Variants in HOMER1 observed in about 807,000 individuals in gnomAD.
HOMER1 encodes homer protein homolog 1.
Under a neutral mutation model 48.9 loss-of-function variants are expected in HOMER1, and 3 were observed. The observed-to-expected ratio is 0.06, with a 90% CI of 0.03 to 0.16. HOMER1 has a LOEUF of 0.16. HOMER1 is among the 10% of genes least tolerant of loss of function. The pLI is 1.00. For missense variants in HOMER1, 247 were observed against 411.4 expected (o/e 0.60, Z 3.46); for synonymous variants, 134 against 146.4 (o/e 0.92, Z 0.61).
intron 5 of HOMER1, among the ~76,000 whole-genome samples, chr5:79,408,310 T>C (rs1255151717): frequency 6.6e-6 from 1 of 152,138 alleles, no homozygotes; most frequent in East Asian, 1.9e-4. Flanking sequence ...AAAAATATCT[T>C]TCAAAATGAA....
chr5:79,391,437 T>C (rs1308135618), intron 8 of HOMER1, among the ~76,000 whole-genome samples: 1 of 148,656 alleles, frequency 6.7e-6, no homozygotes, highest in Non-Finnish European at 1.5e-5. Context: ...GCCAAAATCT[T>C]TTTTTTTTTA....
intron 1 of HOMER1, among the ~76,000 whole-genome samples, chr5:79,463,412 C>A (rs1387928452): frequency 6.6e-6 from 1 of 152,160 alleles, no homozygotes. Flanking sequence ...ACCCTTAGTG[C>A]TGTGAGGGGC....
chr5:79,511,414 TAAA>T (rs1325600729), intron 1 of HOMER1, among the ~76,000 whole-genome samples: 2 of 152,170 alleles, frequency 1.3e-5, no homozygotes, highest in Non-Finnish European at 2.9e-5. Flanking sequence ...AGGAGGAGAA[TAAA>T]AAGAAAGCAA....
At position 79,372,924 on chromosome 5, in the gene HOMER1, C is replaced by T. The variant is rs968325256; in HGVS notation, c.*3085G>A. The T allele has an allele frequency of 3.3e-5, 5 of 152,086 alleles. No individual in the cohort carries two copies. Among genetic ancestry groups the T allele is most frequent in the African/African-American group, 1.2e-4 (5 of 41,422 alleles). The allele number at this position is 152,086 out of a possible 1,614,324, so 9.4% of individuals were successfully genotyped here. On this transcript the variant is annotated 3_prime_UTR_variant, in exon 9 of 9. Transcript: ENST00000334082. ...AAAAAAAAGTGAGCTTTTCCTCTAA[C>T]TGCTTCCCAACAGTTCAATGACAGC...
At chr5:79,491,134 A>G (rs975153986) in intron 1 of HOMER1, among the ~76,000 whole-genome samples, 20 of 144,716 alleles carry the variant, frequency 1.4e-4, no homozygotes, top group Non-Finnish European at 2.3e-4. Flanking sequence ...TTTATTTAGA[A>G]GTTAAAGAAT....
At chr5:79,400,463 G>A (rs1749505964) in intron 6 of HOMER1, among the ~76,000 whole-genome samples, 1 of 148,928 alleles carries the variant, frequency 6.7e-6, no homozygotes, top group South Asian at 2.1e-4. Flanking sequence ...CTCAAGTGAT[G>A]TTCCCACCTC....
At chr5:79,462,946 TA>T (rs1751357615) in intron 1 of HOMER1, among the ~76,000 whole-genome samples, 1 of 152,234 alleles carries the variant, frequency 6.6e-6, no homozygotes, top group South Asian at 2.1e-4. Context: ...TTCAGATATG[TA>T]AGTACAAATG....
chr5:79,397,283 G>A (rs1749412403), intron 7 of HOMER1, among the ~76,000 whole-genome samples: 5 of 152,066 alleles, frequency 3.3e-5, no homozygotes. Flanking sequence ...CTGTATAAAT[G>A]CAACTCTCAT....
chr5:79,444,916 T>C (rs1322655742), intron 4 of HOMER1, among the ~76,000 whole-genome samples: 1 of 152,212 alleles, frequency 6.6e-6, no homozygotes, highest in African/African-American at 2.4e-5. Flanking sequence ...ATCATCAAAG[T>C]TATTCCAGGT....
At chr5:79,405,835 C>G (rs918059833) in intron 5 of HOMER1, among the ~76,000 whole-genome samples, 1 of 152,160 alleles carries the variant, frequency 6.6e-6, no homozygotes, top group Non-Finnish European at 1.5e-5. Context: ...ATAAAAACCT[C>G]AAATATAAAT....
intron 2 of HOMER1, among the ~76,000 whole-genome samples, chr5:79,451,782 G>T (rs1751036132): frequency 6.6e-6 from 1 of 151,708 alleles, no homozygotes; most frequent in South Asian, 2.1e-4. Flanking sequence ...TGTTAGCCAG[G>T]ATGGTCTCGA....
intron 1 of HOMER1, among the ~76,000 whole-genome samples, chr5:79,504,697 T>C (rs750991076): frequency 6.6e-6 from 1 of 151,974 alleles, no homozygotes; most frequent in Non-Finnish European, 1.5e-5. Flanking sequence ...AATACTTAAA[T>C]AAAACAGAAG....
rs543097115 is a variant in HOMER1 at position 79,458,724 on chromosome 5, A to G, written c.6-1706T>C. ...TGATATATTTTGTGCCACTCCCTAA[A>G]AAATGAAGTGGAGCCATTACTTCTT... is the stretch of plus-strand genomic sequence containing the variant. On this transcript the variant is annotated intron_variant, in intron 1 of 8. Coordinates refer to ENST00000334082, the MANE Select transcript of HOMER1 (RefSeq NM_004272.5). Among the ~76,000 whole-genome samples the G allele has an allele frequency of 5.9e-5, 9 of 152,314 alleles. No homozygotes were observed. The East Asian group carries it at 1.7e-3, about 29-fold the overall frequency.
chr5:79,386,943 TTCCTTTCCTTTCTTCCTTCCC>T (rs369442713), intron 8 of HOMER1, among the ~76,000 whole-genome samples: 4 of 68,684 alleles, frequency 5.8e-5, no homozygotes, highest in African/African-American at 2.7e-4. Context: ...CCTTCCTTCC[TTCCTTTCCTTTCTTCCTTCCC>T]TTCCCTTCTT....
chr5:79,392,843 T>C (rs1163534781), intron 8 of HOMER1, among the ~76,000 whole-genome samples: 1 of 152,116 alleles, frequency 6.6e-6, no homozygotes, highest in African/African-American at 2.4e-5. Context: ...ACCTTTTCTA[T>C]CGTTTCTACT....
At chr5:79,474,476 T>C (rs2112330821) in intron 1 of HOMER1, among the ~76,000 whole-genome samples, 1 of 152,230 alleles carries the variant, frequency 6.6e-6, no homozygotes, top group South Asian at 2.1e-4. Context: ...AAGTTCTCCC[T>C]TGAATTGTTT....
chr5:79,434,823 T>C (rs537017566), intron 5 of HOMER1, among the ~76,000 whole-genome samples: 5 of 152,308 alleles, frequency 3.3e-5, no homozygotes, highest in Admixed American at 1.3e-4. Context: ...TTCAGCTGTA[T>C]AGCTAAAAAT....
chr5:79,383,687 A>G (rs2112193879), intron 8 of HOMER1, among the ~76,000 whole-genome samples: 1 of 152,174 alleles, frequency 6.6e-6, no homozygotes, highest in East Asian at 1.9e-4. Flanking sequence ...CCTGGCCTAC[A>G]GAACATCTTA....
At chr5:79,404,902 T>C (rs964094119) in intron 5 of HOMER1, among the ~76,000 whole-genome samples, 5 of 151,336 alleles carry the variant, frequency 3.3e-5, no homozygotes, top group Admixed American at 2.0e-4. Flanking sequence ...AGAGATAGGG[T>C]TTCACCATGT....
Sources: allele counts gnomAD v4.1 joint callset (sites outside exome capture counted in the v4.1 genomes callset), GRCh38; gene constraint gnomAD v4.1.1; transcripts MANE v1.5; gene names NCBI Gene and HGNC (gene_info 2026-07-23, HGNC 2026-07-21).